Variants in LTO1 observed in about 807,000 individuals in gnomAD.
LTO1 encodes protein LTO1 homolog.
LTO1 carries 18 observed loss-of-function variants against 19.8 expected under a neutral mutation model. That is an observed-to-expected ratio of 0.91 (90% confidence interval 0.63 to 1.35). LTO1 has a LOEUF of 1.35. Ranked by LOEUF, LTO1 falls within the 40% of genes most tolerant of loss-of-function variation. LTO1 has a pLI of 0.00. For missense variants in LTO1, 175 were observed against 167.9 expected (o/e 1.04, Z -0.23); for synonymous variants, 59 against 59.6 (o/e 0.99, Z 0.05).
intron 3 of LTO1, chr11:69,668,292 GCTGA>G (rs2119836629): frequency 2.9e-6 from 1 of 346,924 alleles, no homozygotes; most frequent in African/African-American, 2.1e-5. Context: ...CAGAAGCCCT[GCTGA>G]CTCTCGAGGT....
In LTO1 at chr11:69,667,134, A is replaced by C; in HGVS notation, c.*385T>G. 1 of 187,572 alleles carries C rather than the reference A, an allele frequency of 5.3e-6. No individual in the cohort carries two copies. Among genetic ancestry groups the C allele is most frequent in the Non-Finnish European group, 1.1e-5 (1 of 91,984 alleles). 11.6% of individuals were successfully genotyped at this position (187,572 alleles called of 1,614,324 possible). ...CTCCCATGAGCCTCATTCGGGGCCAACCATCTCTCTCATTGCAAATAATAA... is the reference window on the plus strand; with the variant it reads ...CTCCCATGAGCCTCATTCGGGGCCACCCATCTCTCTCATTGCAAATAATAA... On this transcript the variant is annotated 3_prime_UTR_variant, in exon 5 of 5. Coordinates refer to ENST00000279147, the MANE Select transcript of LTO1 (RefSeq NM_153451.3).
chr11:69,673,535 C>T (rs559983837), intron 1 of LTO1, among the ~76,000 whole-genome samples: 2 of 152,264 alleles, frequency 1.3e-5, no homozygotes, highest in South Asian at 4.1e-4. Context: ...AGCCCAGTTT[C>T]TTCATCTACA....
intron 1 of LTO1, among the ~76,000 whole-genome samples, chr11:69,674,109 T>C (rs1856153215): frequency 2.6e-5 from 4 of 151,866 alleles, no homozygotes; most frequent in Admixed American, 2.6e-4. Context: ...CGCCTCGGCC[T>C]CCCAAAGTGC....
rs1856176519 is a variant in LTO1, at chr11:69,675,338, G to C, written c.-99C>G. 5 of 1,004,868 alleles carry C rather than the reference G, an allele frequency of 5.0e-6. No homozygotes were observed. The highest frequency in any genetic ancestry group is 7.0e-6 in the Non-Finnish European group (5 of 711,134). The allele number at this position is 1,004,868 out of a possible 1,614,324, so 62.2% of individuals were successfully genotyped here. ...GGCACAAATGCTCCGCTTGGGAGGAGACGAGACCCACTTCCGGAAGCGGCG... is the reference window on the plus strand; with the variant it reads ...GGCACAAATGCTCCGCTTGGGAGGACACGAGACCCACTTCCGGAAGCGGCG... On this transcript the variant is annotated 5_prime_UTR_variant, in exon 1 of 5. Transcript: ENST00000279147.
chr11:69,668,267 A>G, intron 3 of LTO1: 2 of 397,516 alleles, frequency 5.0e-6, no homozygotes, highest in South Asian at 6.5e-5. Flanking sequence ...CACGGGGCCA[A>G]GGGGCTGAGG....
At chr11:69,672,268 C>T (rs888203394) in intron 2 of LTO1, 1 of 170,884 alleles carries the variant, frequency 5.9e-6, no homozygotes, top group African/African-American at 2.4e-5. Context: ...GCAGATCCTC[C>T]AAGCCCAGTC....
At chr11:69,671,668 T>C (rs962709387) in intron 3 of LTO1, 81 bp downstream of exon 3, 55 of 789,974 alleles carry the variant, frequency 7.0e-5, no homozygotes, top group Admixed American at 3.7e-5. Flanking sequence ...GACAGATTGA[T>C]TACTCAAGGG....
Position 69,673,302 on chromosome 11 carries a change from G to C in LTO1, c.70C>G (p.Arg24Gly), listed in dbSNP as rs149170616. The C allele has an allele frequency of 1.9e-6, 3 of 1,609,474 alleles. No homozygotes were observed. The highest frequency in any genetic ancestry group is 1.7e-5 in the Admixed American group (1 of 59,982). The change falls in exon 2 of 5, where the codon CGG (arginine) becomes GGG (glycine). Residue 24 changes from arginine (R) to glycine (G), a missense_variant. Coordinates refer to ENST00000279147, the MANE Select transcript of LTO1 (RefSeq NM_153451.3). ...CTACTGCCTTCTTCATAGCCTTCCC[G>C]ATACCCTTCCCCATGAAACCTGTGA... ...ADERFHGEGY[R>G]EGYEEGSSLG...
At chr11:69,674,956 G>C (rs974055665) in intron 1 of LTO1, 4 of 692,370 alleles carry the variant, frequency 5.8e-6, no homozygotes, top group African/African-American at 5.3e-5. Flanking sequence ...AGCCCTGACA[G>C]GGAAGGCGGG....
intron 3 of LTO1, among the ~76,000 whole-genome samples, chr11:69,670,554 G>C (rs181263973): frequency 2.0e-4 from 30 of 152,322 alleles, no homozygotes; most frequent in Middle Eastern, 3.4e-3. Context: ...GGTACAAACG[G>C]AGCAGAAAGA....
At chr11:69,668,157 C>T (rs1856061079) in intron 3 of LTO1, 145 bp from the exon 4 acceptor site, 2 of 647,868 alleles carry the variant, frequency 3.1e-6, no homozygotes, top group African/African-American at 1.8e-5. Flanking sequence ...TTTCTCATTA[C>T]ACGAAATCAT....
intron 2 of LTO1, 24 bp from the exon 3 acceptor site, chr11:69,671,843 G>A (rs939544243): frequency 7.0e-7 from 1 of 1,429,514 alleles, no homozygotes; most frequent in Non-Finnish European, 9.9e-7. Flanking sequence ...AAATATTTAA[G>A]AGTGAAATTA....
intron 1 of LTO1, 37 bp from the exon 2 acceptor site, chr11:69,673,358 A>G: frequency 7.4e-7 from 1 of 1,344,694 alleles, no homozygotes; most frequent in African/African-American, 1.4e-5. Context: ...AATCAACAGG[A>G]GAAAGAATAC....
Position 69,667,903 on chromosome 11 carries a change from A to G in LTO1, c.337T>C (p.Phe113Leu). 6.7e-7 allele frequency: 1 copy of G among 1,484,746 alleles called. No homozygotes were observed. The highest frequency in any genetic ancestry group is 9.4e-7 in the Non-Finnish European group (1 of 1,061,854). The allele number at this position is 1,484,746 out of a possible 1,614,324, so 92.0% of individuals were successfully genotyped here. ...ACACACAGTGCACGCACCTGTTTAA[A>G]TTTTCCTCTGATCTTGTCTAAGTCT... is the stretch of plus-strand genomic sequence containing the variant. ...HEDLDKIRGK[F>L]KQFCSLLNVQ... The change falls in exon 4 of 5, where the codon TTT (phenylalanine) becomes CTT (leucine). Residue 113 changes from phenylalanine to leucine, a missense_variant. Phe to Leu is a conservative substitution (Grantham distance 22, BLOSUM62 0). Transcript: ENST00000279147.
intron 2 of LTO1, chr11:69,672,191 C>T (rs1041551289): frequency 9.0e-6 from 2 of 222,416 alleles, no homozygotes; most frequent in South Asian, 7.0e-5. Context: ...TTGAATGTCA[C>T]GAGGACACAC....
Position 69,667,295 on chromosome 11 carries a change from G to C in LTO1, c.*224C>G. On this transcript the variant is annotated 3_prime_UTR_variant, in exon 5 of 5. Coordinates refer to ENST00000279147, the MANE Select transcript of LTO1 (RefSeq NM_153451.3). ...ATGCACGAGGGCTCTGCCAGGGACGGCTTCAGCCCAACAAAGGGCATGTGT... is the reference window on the plus strand; with the variant it reads ...ATGCACGAGGGCTCTGCCAGGGACGCCTTCAGCCCAACAAAGGGCATGTGT... 2 of 574,798 alleles carry C rather than the reference G, an allele frequency of 3.5e-6. No homozygotes were observed. Among genetic ancestry groups the C allele is most frequent in the South Asian group, 2.2e-5 (1 of 46,234 alleles). 35.6% of individuals were successfully genotyped at this position (574,798 alleles called of 1,614,324 possible).
chr11:69,667,691 G>T, intron 4 of LTO1, 104 bp from the exon 5 acceptor site: 1 of 851,002 alleles, frequency 1.2e-6, no homozygotes, highest in Non-Finnish European at 2.0e-6. Context: ...TATGTGGCCA[G>T]CCCATAAATG....
chr11:69,665,983 C>T lies in LTO1; in HGVS notation c.*1536G>A, dbSNP rs1382008523. The T allele has an allele frequency of 2.0e-5, 3 of 152,146 alleles. No individual in the cohort carries two copies. The highest frequency in any genetic ancestry group is 4.4e-5 in the Non-Finnish European group (3 of 68,052). The allele number at this position is 152,146 out of a possible 1,614,324, so 9.4% of individuals were successfully genotyped here. ...CAGCCTGGCCAACAAGGCAAAACCC[C>T]ATCTCTACTAAAAATACAAAAGTTA... On this transcript the variant is annotated 3_prime_UTR_variant, in exon 5 of 5. Transcript: ENST00000279147.
At chr11:69,668,107 G>T in intron 3 of LTO1, 95 bp from the exon 4 acceptor site, 3 of 693,324 alleles carry the variant, frequency 4.3e-6, no homozygotes, top group South Asian at 3.3e-5. Context: ...AACCCAGCAG[G>T]TGCGCTAAGA....
Sources: gnomAD v4.1 joint callset for allele counts (sites outside exome capture counted in the v4.1 genomes callset) on GRCh38, gnomAD v4.1.1 for gene constraint, MANE v1.5 for transcripts, NCBI Gene and HGNC (gene_info 2026-07-23, HGNC 2026-07-21) for gene names.